CDK14: variants seen among roughly 807,000 people sequenced by gnomAD.
The protein encoded by CDK14 is cyclin-dependent kinase 14.
In CDK14, 34 loss-of-function variants were observed where a neutral mutation model predicts 60.7. That is an observed-to-expected ratio of 0.56 (90% CI 0.43 to 0.75). CDK14 has a LOEUF of 0.75. Ranked by LOEUF, CDK14 falls within the 30% of genes least tolerant of loss-of-function variation. The probability of loss-of-function intolerance (pLI) is 0.00; values close to 1 mark genes in which losing one functional copy is unlikely to be tolerated. For missense variants in CDK14, 482 were observed against 564.1 expected, an observed-to-expected ratio of 0.85 and a Z score of 1.47; for synonymous variants, 197 against 203.7, an observed-to-expected ratio of 0.97 and a Z score of 0.28.
intron 9 of CDK14, among the ~76,000 whole-genome samples, chr7:90,965,216 T>A (rs1794715903): frequency 5.9e-5 from 9 of 152,170 alleles, no homozygotes. Context: ...GGTTATTCTC[T>A]GTTCTCTTCC....
chr7:90,788,872 TTTTTGACCTATTAAATTGG>T (rs2116960509), intron 4 of CDK14, among the ~76,000 whole-genome samples: 1 of 152,260 alleles, frequency 6.6e-6, no homozygotes, highest in South Asian at 2.1e-4. Flanking sequence ...CAAGAGACCA[TTTTTGACCTATTAAATTGG>T]CAAAATCAGA....
intron 14 of CDK14, among the ~76,000 whole-genome samples, chr7:91,118,983 G>A (rs1408174325): frequency 6.6e-6 from 1 of 152,134 alleles, no homozygotes; most frequent in African/African-American, 2.4e-5. Flanking sequence ...CATCTTTCTT[G>A]ATTGCCAGAT....
intron 10 of CDK14, among the ~76,000 whole-genome samples, chr7:91,004,256 C>T (rs1795919969): frequency 6.6e-6 from 1 of 152,156 alleles, no homozygotes; most frequent in Non-Finnish European, 1.5e-5. Context: ...GTGTGATAAA[C>T]ATCTAGCCTG....
At chr7:90,778,585 C>T (rs1805151465) in intron 4 of CDK14, among the ~76,000 whole-genome samples, 4 of 152,136 alleles carry the variant, frequency 2.6e-5, no homozygotes, top group South Asian at 2.1e-4. Context: ...TGTATCAGTC[C>T]TTTATGCAGC....
At chr7:90,755,777 G>C (rs1348944307) in intron 4 of CDK14, among the ~76,000 whole-genome samples, 1 of 152,098 alleles carries the variant, frequency 6.6e-6, no homozygotes, top group African/African-American at 2.4e-5. Flanking sequence ...AATTTTAATA[G>C]GGGTTGTGCC....
At chr7:90,767,465 T>TC (rs1804611336) in intron 4 of CDK14, among the ~76,000 whole-genome samples, 1 of 152,130 alleles carries the variant, frequency 6.6e-6, no homozygotes, top group African/African-American at 2.4e-5. Flanking sequence ...ATAGCTATTT[T>TC]CCCCCCTTGT....
intron 3 of CDK14, among the ~76,000 whole-genome samples, chr7:90,730,170 G>A (rs1293722462): frequency 1.3e-5 from 2 of 152,090 alleles, no homozygotes; most frequent in Non-Finnish European, 2.9e-5. Context: ...CCATGTCCGC[G>A]CAGAGGACAT....
chr7:91,187,690 A>G lies in CDK14; in HGVS notation c.*29-19475A>G, dbSNP rs1292648147. On this transcript the variant is annotated intron_variant, in intron 14 of 14. Coordinates refer to ENST00000380050, the MANE Select transcript of CDK14 (RefSeq NM_001287135.2). ...CAGCTCTCCCCCTTGCCAGAGAGAG[A>G]TGGGCTCCTAAAAGGGAAAAACTGA... Among the ~76,000 whole-genome samples, 3 of 152,302 alleles carry G rather than the reference A, an allele frequency of 2.0e-5. No individual in the cohort carries two copies. The East Asian group carries it at 5.8e-4, about 29-fold the overall frequency.
rs373102270 is a variant in CDK14 at position 91,161,568 on chromosome 7, G to A, written c.*28+43360G>A. 1.7e-3 allele frequency among the ~76,000 whole-genome samples: 258 copies of A among 152,258 alleles called. 1 individual carries two copies. The highest frequency in any genetic ancestry group is 5.6e-3 in the African/African-American group (232 of 41,536). ...ATAGGCTAATTTTAAAAATGGCTGC[G>A]GAGTGAAGGTTAAAAAATCATGCTT... On this transcript the variant is annotated intron_variant, in intron 14 of 14. Transcript: ENST00000380050.
At chr7:91,190,742 G>A (rs891846920) in intron 14 of CDK14, among the ~76,000 whole-genome samples, 6 of 151,964 alleles carry the variant, frequency 3.9e-5, no homozygotes, top group Non-Finnish European at 5.9e-5. Flanking sequence ...CACCCACCTC[G>A]GCCTCCCAAA....
At chr7:91,170,475 G>T (rs1353524069) in intron 14 of CDK14, among the ~76,000 whole-genome samples, 1 of 152,084 alleles carries the variant, frequency 6.6e-6, no homozygotes, top group African/African-American at 2.4e-5. Context: ...ATTGTTATTT[G>T]CATGGGTTAC....
chr7:91,201,437 T>A (rs1802719426), intron 14 of CDK14, among the ~76,000 whole-genome samples: 1 of 151,942 alleles, frequency 6.6e-6, no homozygotes, highest in Admixed American at 6.6e-5. Context: ...ACCAAAATAA[T>A]CACTTCTCTC....
chr7:91,176,863 C>T (rs1376205179), intron 14 of CDK14, among the ~76,000 whole-genome samples: 1 of 152,018 alleles, frequency 6.6e-6, no homozygotes, highest in Non-Finnish European at 1.5e-5. Flanking sequence ...GATTCACAGC[C>T]GAATTCTACC....
chr7:90,890,457 C>T (rs1316259494), intron 6 of CDK14, among the ~76,000 whole-genome samples: 1 of 152,140 alleles, frequency 6.6e-6, no homozygotes, highest in Non-Finnish European at 1.5e-5. Context: ...TACAGACTTC[C>T]TCTGTTAAAC....
chr7:91,021,677 G>A (rs1266297871), intron 10 of CDK14, among the ~76,000 whole-genome samples: 1 of 152,112 alleles, frequency 6.6e-6, no homozygotes, highest in East Asian at 1.9e-4. Context: ...TGCCATCAGT[G>A]GACCCTCCAT....
At chr7:90,869,417 A>C (rs1791295578) in intron 6 of CDK14, among the ~76,000 whole-genome samples, 1 of 152,196 alleles carries the variant, frequency 6.6e-6, no homozygotes. Context: ...CAAGGATGAC[A>C]ATAGGAAGAG....
At chr7:90,885,476 G>A (rs1280015365) in intron 6 of CDK14, among the ~76,000 whole-genome samples, 1 of 151,732 alleles carries the variant, frequency 6.6e-6, no homozygotes, top group Admixed American at 6.6e-5. Flanking sequence ...CTTGTTGGTG[G>A]GATTGTCAGC....
At chr7:91,120,197 T>G (rs1478056350) in intron 14 of CDK14, among the ~76,000 whole-genome samples, 1 of 152,200 alleles carries the variant, frequency 6.6e-6, no homozygotes, top group Non-Finnish European at 1.5e-5. Flanking sequence ...TTGGCTCTTT[T>G]GAGATCCCCT....
intron 3 of CDK14, among the ~76,000 whole-genome samples, chr7:90,744,407 C>T (rs1029993540): frequency 9.2e-5 from 14 of 152,220 alleles, no homozygotes; most frequent in Admixed American, 7.9e-4. Flanking sequence ...CCCATGTCTA[C>T]TTCTCTCTAT....
Sources: gnomAD v4.1 joint callset for allele counts (sites outside exome capture counted in the v4.1 genomes callset) on GRCh38, gnomAD v4.1.1 for gene constraint, MANE v1.5 for transcripts, NCBI Gene and HGNC (gene_info 2026-07-23, HGNC 2026-07-21) for gene names.